Variants in ABCC8 observed in about 807,000 individuals in gnomAD.
ABCC8 encodes the protein ATP-binding cassette sub-family C member 8.
In ABCC8, 137 loss-of-function variants were observed where a neutral mutation model predicts 188.0. The observed-to-expected ratio is 0.73, with a 90% CI of 0.63 to 0.84. The LOEUF (loss-of-function observed/expected upper bound fraction) is 0.84. Ranked by LOEUF, ABCC8 falls within the 40% of genes least tolerant of loss-of-function variation. The pLI, the probability that ABCC8 is intolerant of heterozygous loss-of-function variation, is 0.00. For missense variants in ABCC8, 1,750 were observed against 2,072.7 expected, an observed-to-expected ratio of 0.84 and a Z score of 3.02; for synonymous variants, 797 against 846.5, an observed-to-expected ratio of 0.94 and a Z score of 1.01.
intron 1 of ABCC8, among the ~76,000 whole-genome samples, chr11:17,476,042 G>C (rs1481124996): frequency 6.6e-6 from 1 of 152,224 alleles, no homozygotes; most frequent in Non-Finnish European, 1.5e-5. Context: ...ATGCCCGGGT[G>C]GGGTGGCGGG....
chr11:17,436,721 T>C (rs1189507131), intron 10 of ABCC8, among the ~76,000 whole-genome samples: 1 of 152,202 alleles, frequency 6.6e-6, no homozygotes. Context: ...CCATCAAAAC[T>C]GAAAGCCCTT....
chr11:17,393,295 A>G (rs1953725001), intron 38 of ABCC8, 167 bp from the exon 39 acceptor site: 3 of 927,012 alleles, frequency 3.2e-6, no homozygotes, highest in Admixed American at 4.4e-5. Flanking sequence ...TGTGACTACA[A>G]GCTCTCCATC....
At chr11:17,424,028 G>A (rs73423054) in intron 16 of ABCC8, among the ~76,000 whole-genome samples, 4,542 of 152,288 alleles carry the variant, frequency 0.03, 231 homozygotes, top group African/African-American at 0.1. Flanking sequence ...TGAGGTGCCT[G>A]CACAGTGCCT....
At chr11:17,400,500 C>T (rs1954182988) in intron 29 of ABCC8, among the ~76,000 whole-genome samples, 2 of 152,082 alleles carry the variant, frequency 1.3e-5, no homozygotes, top group Non-Finnish European at 2.9e-5. Flanking sequence ...CAGGTTGGAG[C>T]CTGAACATCA....
In ABCC8 at chr11:17,432,254, A is replaced by G; in HGVS notation, c.1631-10T>C. On this transcript the variant is annotated splice_polypyrimidine_tract_variant and intron_variant, in intron 10 of 38. Coordinates refer to ENST00000389817, the MANE Select transcript of ABCC8 (RefSeq NM_000352.6). ...GCCGTGTTCATGAAAACTGCAGAGG[A>G]AGCACAGGGAGGCGTTTAGTGGGAG... 1 of 1,552,084 alleles carries G rather than the reference A, an allele frequency of 6.4e-7. No individual in the cohort carries two copies. The highest frequency in any genetic ancestry group is 8.7e-7 in the Non-Finnish European group (1 of 1,147,136).
chr11:17,445,526 G>A (rs1956490217), intron 8 of ABCC8, among the ~76,000 whole-genome samples: 3 of 152,192 alleles, frequency 2.0e-5, no homozygotes, highest in African/African-American at 7.2e-5. Context: ...GAGCCCTCAG[G>A]GCTTACACGG....
chr11:17,439,539 G>A (rs946949444), intron 10 of ABCC8, among the ~76,000 whole-genome samples: 9 of 151,890 alleles, frequency 5.9e-5, no homozygotes, highest in Admixed American at 3.9e-4. Flanking sequence ...AAATGAACAC[G>A]CACTCAAAGC....
At chr11:17,431,155 G>T in intron 11 of ABCC8, 196 bp from the exon 12 acceptor site, 1 of 869,710 alleles carries the variant, frequency 1.1e-6, no homozygotes, top group Non-Finnish European at 1.7e-6. Context: ...AGGACTTCAA[G>T]CTGGAGAGCA....
At chr11:17,464,035 G>C (rs1229673536) in intron 3 of ABCC8, among the ~76,000 whole-genome samples, 1 of 152,228 alleles carries the variant, frequency 6.6e-6, no homozygotes, top group Non-Finnish European at 1.5e-5. Context: ...GCTCAGAAAG[G>C]TTAGGTAACA....
chr11:17,469,794 A>G (rs1848377191), intron 3 of ABCC8, among the ~76,000 whole-genome samples: 1 of 152,106 alleles, frequency 6.6e-6, no homozygotes, highest in African/African-American at 2.4e-5. Flanking sequence ...CTGCATGCCC[A>G]CAGTTACCAC....
intron 18 of ABCC8, 47 bp downstream of exon 18, chr11:17,415,257 C>T (rs201897871): frequency 1.3e-6 from 2 of 1,589,052 alleles, no homozygotes; most frequent in African/African-American, 1.3e-5. Context: ...CTGAGAGCAC[C>T]CTGGAGGGAG....
In ABCC8 at chr11:17,395,618, G is replaced by T; in HGVS notation, c.4299C>A (p.Gly1433=). 6.4e-7 allele frequency: 1 copy of T among 1,552,326 alleles called. No homozygotes were observed. The highest frequency in any genetic ancestry group is 8.7e-7 in the Non-Finnish European group (1 of 1,148,996). Residue 1433 remains glycine, a synonymous_variant, in exon 35 of 39, where the codon GGC becomes GGA. Transcript: ENST00000389817. ...IILQDPVLFS[G]TIRFNLDPER... is the part of the protein sequence containing the mutation. Reference sequence around the variant, plus strand: ...GGGGTGGTGGGGCTCACCGGATGGTGCCGCTGAAGAGGACGGGGTCCTGCA... The same window carrying T: ...GGGGTGGTGGGGCTCACCGGATGGTTCCGCTGAAGAGGACGGGGTCCTGCA...
Position 17,407,215 on chromosome 11 carries a change from G to T in ABCC8, c.2921-86C>A, listed in dbSNP as rs1027637627. The stretch of plus-strand genomic sequence containing the variant: ...GGGCATTTTATCCCCACTTACTGAG[G>T]GGACAACGGGGGCACACAGAGGGAA... On this transcript the variant is annotated intron_variant, in intron 24 of 38. Transcript: ENST00000389817. 3.7e-6 allele frequency: 6 copies of T among 1,605,262 alleles called. No homozygotes were observed. In the Admixed American group the frequency reaches 1.0e-4, roughly 27 times the overall value.
chr11:17,469,527 C>T (rs140150046), intron 3 of ABCC8, among the ~76,000 whole-genome samples: 450 of 152,212 alleles, frequency 3.0e-3, no homozygotes, highest in Non-Finnish European at 5.0e-3. Context: ...GATATGCCCC[C>T]AGTAGAAAAC....
At chr11:17,423,101 G>C (rs991728088) in intron 16 of ABCC8, among the ~76,000 whole-genome samples, 1 of 151,976 alleles carries the variant, frequency 6.6e-6, no homozygotes, top group East Asian at 1.9e-4. Flanking sequence ...GCTCATGCCT[G>C]TAATCCCAGC....
chr11:17,428,050 C>T, intron 14 of ABCC8, 108 bp from the exon 15 acceptor site: 4 of 1,586,700 alleles, frequency 2.5e-6, no homozygotes, highest in Non-Finnish European at 3.4e-6. Context: ...ACACTGATTC[C>T]AGCCCCTGGA....
downstream of ABCC8, chr11:17,392,809 G>C: frequency 1.4e-6 from 1 of 708,154 alleles, no homozygotes; most frequent in Non-Finnish European, 2.4e-6. Context: ...GCTTCTGCCT[G>C]ATGTCAGAGC....
Position 17,442,706 on chromosome 11 carries a change from T to C in ABCC8, c.1630+14A>G. 6.2e-7 allele frequency: 1 copy of C among 1,612,746 alleles called. No homozygotes were observed. The highest frequency in any genetic ancestry group is 8.5e-7 in the Non-Finnish European group (1 of 1,179,534). ...GCAGCAGCACCCAGGGCTGGCTGTG[T>C]GGGGTGAACTCACTGGAGATGGAGG... On this transcript the variant is annotated intron_variant, in intron 10 of 38. Coordinates refer to ENST00000389817, the MANE Select transcript of ABCC8 (RefSeq NM_000352.6).
chr11:17,409,566 G>A (rs1004731190), intron 22 of ABCC8, among the ~76,000 whole-genome samples: 17 of 152,064 alleles, frequency 1.1e-4, no homozygotes, highest in African/African-American at 3.6e-4. Flanking sequence ...GATTTTCTTT[G>A]GGTCTTCTTT....
Sources: gnomAD v4.1 joint callset for allele counts (sites outside exome capture counted in the v4.1 genomes callset) on GRCh38, gnomAD v4.1.1 for gene constraint, MANE v1.5 for transcripts, NCBI Gene and HGNC (gene_info 2026-07-23, HGNC 2026-07-21) for gene names.